NAT10: variants seen among roughly 807,000 people sequenced by gnomAD.
The protein encoded by NAT10 is RNA cytidine acetyltransferase.
A neutral mutation model predicts 132.2 loss-of-function variants in NAT10; 109 were observed. That is an observed-to-expected ratio of 0.82 (90% confidence interval 0.71 to 0.97). NAT10 has a LOEUF of 0.97. Among genes scored for constraint, NAT10 ranks in the 50% least tolerant of loss-of-function variants. NAT10 has a pLI of 0.00. For missense variants in NAT10, 1,184 were observed against 1,263.4 expected (o/e 0.94, Z 0.95); for synonymous variants, 479 against 478.0 (o/e 1.00, Z -0.03).
Position 34,118,219 on chromosome 11 carries a change from C to A in NAT10, c.597C>A (p.Val199=). ...TGGCCTCTTGTAAGAAGTGTCTCGT[C>A]ATTGATGACCAGCTCAACATCCTGC... ...LSLASCKKCL[V]IDDQLNILPI... The change falls in exon 7 of 29, where the codon GTC becomes GTA. Residue 199 remains valine (V), a synonymous_variant. Transcript: ENST00000257829. 6.2e-7 allele frequency: 1 copy of A among 1,614,222 alleles called. No homozygotes were observed. The highest frequency in any genetic ancestry group is 1.1e-5 in the South Asian group (1 of 91,088).
chr11:34,136,787 C>G lies in NAT10; in HGVS notation c.2162+12C>G. On this transcript the variant is annotated intron_variant, in intron 20 of 28. Transcript: ENST00000257829. Reference sequence around the variant, plus strand: ...CCCAGGCTCCTCAAGTAAGTGCCTGCCCTCCTTCCACGGCATCACTCCTTG... The same window carrying G: ...CCCAGGCTCCTCAAGTAAGTGCCTGGCCTCCTTCCACGGCATCACTCCTTG... 1 of 1,614,152 alleles carries G rather than the reference C, an allele frequency of 6.2e-7. No individual in the cohort carries two copies. Among genetic ancestry groups the G allele is most frequent in the Non-Finnish European group, 8.5e-7 (1 of 1,180,028 alleles).
In NAT10 at chr11:34,108,245, A is replaced by G. The variant is rs1365244638; in HGVS notation, c.20A>G (p.Asp7Gly). The G allele has an allele frequency of 6.8e-6, 11 of 1,614,008 alleles. No individual in the cohort carries two copies. The highest frequency in any genetic ancestry group is 2.2e-5 in the East Asian group (1 of 44,898). Residue 7 changes from aspartate (D) to glycine (G), a missense_variant, in exon 2 of 29, where the codon GAT becomes GGT. Physicochemically the swap from Asp to Gly is moderately conservative, Grantham distance 94. Transcript: ENST00000257829. MHRKKV[D>G]NRIRILIENG... Reference sequence around the variant, plus strand: ...TTCACCATGCATCGGAAAAAGGTGGATAACCGAATCCGGATTCTCATTGAG... The same window carrying G: ...TTCACCATGCATCGGAAAAAGGTGGGTAACCGAATCCGGATTCTCATTGAG...
chr11:34,136,540 G>A, intron 19 of NAT10, 102 bp from the exon 20 acceptor site: 1 of 1,415,084 alleles, frequency 7.1e-7, no homozygotes. Context: ...ACCTCTCCCA[G>A]TTTTTGTTGT....
rs139466580 is a variant in NAT10 at position 34,122,569 on chromosome 11, G to A, written c.891G>A (p.Ala297=). 3.5e-5 allele frequency: 56 copies of A among 1,614,170 alleles called. No individual in the cohort carries two copies. Among genetic ancestry groups the A allele is most frequent in the African/African-American group, 2.0e-4 (15 of 75,054 alleles). ...GAAAATCTGCAGCCCTGGGATTGGCGATTGCTGGGGCGGTGGCATTTGGGT... is the reference window on the plus strand; with the variant it reads ...GAAAATCTGCAGCCCTGGGATTGGCAATTGCTGGGGCGGTGGCATTTGGGT... ...GRGKSAALGL[A]IAGAVAFGYS... Residue 297 remains alanine, a synonymous_variant, in exon 9 of 29, where the codon GCG becomes GCA. Coordinates refer to ENST00000257829, the MANE Select transcript of NAT10 (RefSeq NM_024662.3).
chr11:34,118,397 A>G lies in NAT10; in HGVS notation c.674A>G (p.Asp225Gly), dbSNP rs746145937. The G allele has an allele frequency of 1.9e-6, 3 of 1,613,740 alleles. No homozygotes were observed. Among genetic ancestry groups the G allele is most frequent in the African/African-American group, 1.3e-5 (1 of 74,906 alleles). The change falls in exon 8 of 29, where the codon GAT (aspartate) becomes GGT (glycine). Residue 225 changes from aspartate to glycine, a missense_variant and splice_region_variant. Asp to Gly is a moderately conservative substitution (Grantham distance 94, BLOSUM62 -1). Coordinates refer to ENST00000257829, the MANE Select transcript of NAT10 (RefSeq NM_024662.3). ...TMEALPPQTP[D>G]ESLGPSDLEL... ...TTCCCCTTCTCCTCTCTCTGGTAGG[A>G]TGAGAGTCTTGGTCCTTCTGATCTG...
chr11:34,137,721 G>A (rs925102732), intron 21 of NAT10, among the ~76,000 whole-genome samples: 1 of 152,248 alleles, frequency 6.6e-6, no homozygotes, highest in Admixed American at 6.5e-5. Flanking sequence ...GGATGTGAGA[G>A]TGACTCCTTG....
intron 8 of NAT10, among the ~76,000 whole-genome samples, chr11:34,122,050 C>T (rs548212036): frequency 1.6e-4 from 24 of 151,856 alleles, no homozygotes; most frequent in Non-Finnish European, 3.2e-4. Flanking sequence ...GTGGCAAGCG[C>T]CTGTAATCTC....
chr11:34,116,848 G>C (rs1590763371), intron 6 of NAT10, among the ~76,000 whole-genome samples: 1 of 152,256 alleles, frequency 6.6e-6, no homozygotes, highest in Admixed American at 6.5e-5. Flanking sequence ...GCCCCACTCA[G>C]TCTCCCAAAG....
At chr11:34,126,014 G>A (rs527277123) in intron 11 of NAT10, among the ~76,000 whole-genome samples, 5 of 152,078 alleles carry the variant, frequency 3.3e-5, no homozygotes, top group African/African-American at 4.8e-5. Flanking sequence ...TGGGGTTGCC[G>A]CCTCCCTGGC....
intron 12 of NAT10, among the ~76,000 whole-genome samples, chr11:34,130,389 C>T (rs896842156): frequency 3.9e-5 from 6 of 152,178 alleles, no homozygotes; most frequent in Non-Finnish European, 7.3e-5. Flanking sequence ...AAAGCAGCTC[C>T]GTTAGTTGAC....
chr11:34,121,417 T>C (rs747157074), intron 8 of NAT10, among the ~76,000 whole-genome samples: 5 of 151,990 alleles, frequency 3.3e-5, no homozygotes, highest in African/African-American at 4.8e-5. Flanking sequence ...CAGGGAAGAA[T>C]TGAGGAGGCT....
At position 34,139,394 on chromosome 11, in the gene NAT10, G is replaced by A. The variant is rs963302450; in HGVS notation, c.2318G>A (p.Arg773Gln). The change falls in exon 23 of 29, where the codon CGG becomes CAG. Residue 773 changes from arginine to glutamine, a missense_variant. Physicochemically the swap from Arg to Gln is conservative, Grantham distance 43. Transcript: ENST00000257829. Reference sequence around the variant, plus strand: ...TGATGGCACCCCACAGATTTCCGACGGCGGTTCCTAGCCTTGCTCTCCTAC... The same window carrying A: ...TGATGGCACCCCACAGATTTCCGACAGCGGTTCCTAGCCTTGCTCTCCTAC... ...WLAAFWKDFR[R>Q]RFLALLSYQF... The A allele has an allele frequency of 1.5e-5, 25 of 1,613,988 alleles. No individual in the cohort carries two copies. Among genetic ancestry groups the A allele is most frequent in the Non-Finnish European group, 1.9e-5 (22 of 1,180,012 alleles).
chr11:34,146,327 C>A lies in NAT10; in HGVS notation c.*135C>A. ...GCTGGCCGCGAATTCGGCCTCTGGGCCTGTGTGTCTGTGAGCTCAACCTGG... is the reference window on the plus strand; with the variant it reads ...GCTGGCCGCGAATTCGGCCTCTGGGACTGTGTGTCTGTGAGCTCAACCTGG... On this transcript the variant is annotated 3_prime_UTR_variant, in exon 29 of 29. Transcript: ENST00000257829. The A allele has an allele frequency of 4.8e-6, 3 of 628,400 alleles. No homozygotes were observed. The highest frequency in any genetic ancestry group is 8.2e-6 in the Non-Finnish European group (3 of 363,990). The allele number at this position is 628,400 out of a possible 1,614,324, so 38.9% of individuals were successfully genotyped here.
chr11:34,122,721 C>T, intron 9 of NAT10, 129 bp downstream of exon 9: 1 of 1,243,060 alleles, frequency 8.0e-7, no homozygotes, highest in Non-Finnish European at 1.1e-6. Context: ...TGTGTGATTT[C>T]TCTAGGTCTT....
Position 34,130,832 on chromosome 11 carries a change from T to G in NAT10, c.1264T>G (p.Ser422Ala). Reference protein sequence around the residue: ...TINGYEGTGRSLSLKLIQQLR... With the variant: ...TINGYEGTGRALSLKLIQQLR... The stretch of plus-strand genomic sequence containing the variant: ...TTCTAGCTATGAGGGCACTGGCCGG[T>G]CACTGTCCCTCAAGCTAATTCAGCA... Residue 422 changes from serine (S) to alanine (A), a missense_variant, in exon 13 of 29, where the codon TCA becomes GCA. Coordinates refer to ENST00000257829, the MANE Select transcript of NAT10 (RefSeq NM_024662.3). The G allele has an allele frequency of 1.2e-6, 2 of 1,614,116 alleles. No homozygotes were observed. The highest frequency in any genetic ancestry group is 1.7e-6 in the Non-Finnish European group (2 of 1,179,984).
At chr11:34,116,527 C>G (rs1023068547) in intron 6 of NAT10, among the ~76,000 whole-genome samples, 2 of 151,368 alleles carry the variant, frequency 1.3e-5, no homozygotes, top group Non-Finnish European at 2.9e-5. Context: ...GAGTGATTCT[C>G]CTGTATCAGC....
At position 34,141,858 on chromosome 11, in the gene NAT10, A is replaced by G. The variant is rs751796311; in HGVS notation, c.2811+41A>G. The G allele has an allele frequency of 4.6e-6, 7 of 1,536,200 alleles. No homozygotes were observed. In the Admixed American group the frequency reaches 1.0e-4, roughly 22 times the overall value. ...TGGCCTCGGGAGTCCCAGCATTTCC[A>G]TCAGTTGCCTTAGGCTGTGAATTCA... is the stretch of plus-strand genomic sequence containing the variant. On this transcript the variant is annotated intron_variant, in intron 26 of 28. Transcript: ENST00000257829.
At chr11:34,117,518 C>G (rs1366762209) in intron 6 of NAT10, among the ~76,000 whole-genome samples, 2 of 152,122 alleles carry the variant, frequency 1.3e-5, no homozygotes, top group African/African-American at 4.8e-5. Context: ...CCTTGATGAA[C>G]CCTGGGGGCC....
At position 34,123,201 on chromosome 11, in the gene NAT10, G is replaced by C. The variant is rs140906491; in HGVS notation, c.915-561G>C. ...TTTATAGATGAATCAACCTAGGTTTGGGGAGTTCCAGTGATTTACCCAAGA... is the reference window on the plus strand; with the variant it reads ...TTTATAGATGAATCAACCTAGGTTTCGGGAGTTCCAGTGATTTACCCAAGA... On this transcript the variant is annotated intron_variant, in intron 9 of 28. Coordinates refer to ENST00000257829, the MANE Select transcript of NAT10 (RefSeq NM_024662.3). Among the ~76,000 whole-genome samples, 930 of 152,288 alleles carry C rather than the reference G, an allele frequency of 6.1e-3. 11 individuals carry two copies. The highest frequency in any genetic ancestry group is 0.021 in the African/African-American group (877 of 41,552).
Sources: gnomAD v4.1 joint callset for allele counts (sites outside exome capture counted in the v4.1 genomes callset) on GRCh38, gnomAD v4.1.1 for gene constraint, MANE v1.5 for transcripts, NCBI Gene and HGNC (gene_info 2026-07-23, HGNC 2026-07-21) for gene names.